TBX2: variants seen among roughly 807,000 people sequenced by gnomAD.
TBX2 encodes the protein T-box transcription factor TBX2.
A neutral mutation model predicts 48.4 loss-of-function variants in TBX2; 19 were observed. The observed-to-expected ratio is 0.39, with a 90% CI of 0.27 to 0.58. TBX2 has a LOEUF of 0.58. TBX2 is among the 20% of genes least tolerant of loss of function. The pLI, the probability that TBX2 is intolerant of heterozygous loss-of-function variation, is 0.54. For synonymous variants in TBX2, 522 were observed against 459.7 expected (o/e 1.14, Z -1.73); for missense variants, 994 against 1,006.5 (o/e 0.99, Z 0.17).
At chr17:61,407,984 A>G (rs895263532) in intron 6 of TBX2, 70 bp from the exon 7 acceptor site, 29 of 1,496,394 alleles carry the variant, frequency 1.9e-5, no homozygotes, top group Non-Finnish European at 2.6e-5. Context: ...TCCAGGGGAT[A>G]GCACCCAGCC....
At chr17:61,407,040 C>G (rs2060291875) in intron 6 of TBX2, 1 of 152,164 alleles carries the variant, frequency 6.6e-6, no homozygotes, top group African/African-American at 2.4e-5. Flanking sequence ...GTGAGAATAC[C>G]AGCACCTGGG....
chr17:61,404,582 C>G, intron 4 of TBX2, 24 bp from the exon 5 acceptor site: 1 of 1,590,680 alleles, frequency 6.3e-7, no homozygotes. Context: ...TCCCCGCTGA[C>G]CTGGTTCATC....
In TBX2 at chr17:61,403,679, T is replaced by G. The variant is rs971287679; in HGVS notation, c.810+472T>G. Among the ~76,000 whole-genome samples, 2 of 151,936 alleles carry G rather than the reference T, an allele frequency of 1.3e-5. No individual in the cohort carries two copies. The highest frequency in any genetic ancestry group is 2.9e-5 in the Non-Finnish European group (2 of 67,978). Reference sequence around the variant, plus strand: ...GTGACACAGCCCCCCAAAGCACTCCTGGCTACTGCTCTGGGTCAGTCTAGG... The same window carrying G: ...GTGACACAGCCCCCCAAAGCACTCCGGGCTACTGCTCTGGGTCAGTCTAGG... On this transcript the variant is annotated intron_variant, in intron 3 of 6. Transcript: ENST00000240328. This position sits in a 1 kb window ranked among gnomAD's most constrained non-coding sequence, Gnocchi z 5.8.
At chr17:61,407,978 G>A in intron 6 of TBX2, 76 bp from the exon 7 acceptor site, 4 of 1,483,870 alleles carry the variant, frequency 2.7e-6, no homozygotes, top group Non-Finnish European at 3.6e-6. Flanking sequence ...ACGGTGTCCA[G>A]GGGATAGCAC....
At position 61,400,854 on chromosome 17, in the gene TBX2, G is replaced by A. The variant is rs2060261206; in HGVS notation, c.395+283G>A. Among the ~76,000 whole-genome samples, 1 of 152,206 alleles carries A rather than the reference G, an allele frequency of 6.6e-6. No individual in the cohort carries two copies. The highest frequency in any genetic ancestry group is 1.5e-5 in the Non-Finnish European group (1 of 68,040). ...CAACCGTTCTGAGTCCCAGCGCAGA[G>A]GAGGCCCCGCGGCTTGGCCCTGGCG... On this transcript the variant is annotated intron_variant, in intron 1 of 6. Coordinates refer to ENST00000240328, the MANE Select transcript of TBX2 (RefSeq NM_005994.4). This position sits in a 1 kb window ranked among gnomAD's most constrained non-coding sequence, Gnocchi z 9.2.
In TBX2 at chr17:61,408,522, C is replaced by T. The variant is rs1227400540; in HGVS notation, c.*16C>T. Reference sequence around the variant, plus strand: ...GCCCAAGTGAGGGGCTGCCCAGCTGCTCCCCTGCCACGCAGGCCACCCGGG... The same window carrying T: ...GCCCAAGTGAGGGGCTGCCCAGCTGTTCCCCTGCCACGCAGGCCACCCGGG... On this transcript the variant is annotated 3_prime_UTR_variant, in exon 7 of 7. Transcript: ENST00000240328. 1 of 1,434,178 alleles carries T rather than the reference C, an allele frequency of 7.0e-7. No individual in the cohort carries two copies. The allele number at this position is 1,434,178 out of a possible 1,614,324, so 88.8% of individuals were successfully genotyped here.
Position 61,408,037 on chromosome 17 carries a change from T to C in TBX2, c.1687-17T>C. 6.4e-7 allele frequency: 1 copy of C among 1,557,266 alleles called. No individual in the cohort carries two copies. Among genetic ancestry groups the C allele is most frequent in the Non-Finnish European group, 8.7e-7 (1 of 1,155,000 alleles). The stretch of plus-strand genomic sequence containing the variant: ...CAGGCAAGATGTCTAACCCTCGTCT[T>C]GTTCTGTTTCTTCCAGGGAATTCCA... On this transcript the variant is annotated splice_polypyrimidine_tract_variant and intron_variant, in intron 6 of 6. Coordinates refer to ENST00000240328, the MANE Select transcript of TBX2 (RefSeq NM_005994.4).
rs771628572 is a variant in TBX2 at position 61,401,698 on chromosome 17, C to G, written c.410C>G (p.Pro137Arg). The change falls in exon 2 of 7, where the codon CCC (proline) becomes CGC (arginine). Residue 137 changes from proline (P) to arginine (R), a missense_variant. By Grantham distance (103) the Pro-to-Arg change is moderately radical. Coordinates refer to ENST00000240328, the MANE Select transcript of TBX2 (RefSeq NM_005994.4). ...ITKSGRRMFP[P>R]FKVRVSGLDK... The stretch of plus-strand genomic sequence containing the variant: ...CTCCCTCCCAGGCGGATGTTCCCCC[C>G]CTTCAAGGTGCGAGTCAGCGGCCTG... 12 of 1,612,226 alleles carry G rather than the reference C, an allele frequency of 7.4e-6. No individual in the cohort carries two copies. The highest frequency in any genetic ancestry group is 5.0e-5 in the Admixed American group (3 of 59,970).
At chr17:61,407,809 C>A (rs1402555820) in intron 6 of TBX2, 2 of 529,746 alleles carry the variant, frequency 3.8e-6, no homozygotes, top group South Asian at 2.7e-5. Flanking sequence ...TGCTGTAATG[C>A]CCAGCACAGA....
In TBX2 at chr17:61,403,110, G is replaced by A. The variant is rs1316618064; in HGVS notation, c.713G>A (p.Arg238Gln). Residue 238 changes from arginine (R) to glutamine (Q), a missense_variant, in exon 3 of 7, where the codon CGA becomes CAA. Physicochemically the swap from Arg to Gln is conservative, Grantham distance 43 (BLOSUM62 1). Around this residue, in one of 5 missense-constraint regions of TBX2, gnomAD observed 153 missense variants for 166.2 expected, o/e 0.92. Coordinates refer to ENST00000240328, the MANE Select transcript of TBX2 (RefSeq NM_005994.4). This position sits in a 1 kb window ranked among gnomAD's most constrained non-coding sequence, Gnocchi z 5.8. ...HKYQPRFHIV[R>Q]ANDILKLPYS... The stretch of plus-strand genomic sequence containing the variant: ...TACCAGCCGCGCTTCCACATAGTGC[G>A]AGCCAACGACATCCTGAAGCTGCCT... 1 of 1,613,716 alleles carries A rather than the reference G, an allele frequency of 6.2e-7. No individual in the cohort carries two copies.
In TBX2 at chr17:61,404,679, G is replaced by A. The variant is rs749975428; in HGVS notation, c.961G>A (p.Asp321Asn). Residue 321 changes from aspartate to asparagine, a missense_variant, in exon 5 of 7, where the codon GAC (aspartate) becomes AAC (asparagine). Physicochemically the swap from Asp to Asn is conservative, Grantham distance 23. Coordinates refer to ENST00000240328, the MANE Select transcript of TBX2 (RefSeq NM_005994.4). ...ACCCGAGCGCGATGGCGCGGAGTCAGACGCCTCGTCGTGCGACCCTCCCCC... is the reference window on the plus strand; with the variant it reads ...ACCCGAGCGCGATGGCGCGGAGTCAAACGCCTCGTCGTGCGACCCTCCCCC... ...CKPERDGAES[D>N]ASSCDPPPAR... 2 of 1,586,822 alleles carry A rather than the reference G, an allele frequency of 1.3e-6. No individual in the cohort carries two copies. Among genetic ancestry groups the A allele is most frequent in the Non-Finnish European group, 1.7e-6 (2 of 1,166,754 alleles).
chr17:61,408,040 T>C lies in TBX2; in HGVS notation c.1687-14T>C. Reference sequence around the variant, plus strand: ...GCAAGATGTCTAACCCTCGTCTTGTTCTGTTTCTTCCAGGGAATTCCAATG... The same window carrying C: ...GCAAGATGTCTAACCCTCGTCTTGTCCTGTTTCTTCCAGGGAATTCCAATG... On this transcript the variant is annotated splice_polypyrimidine_tract_variant and intron_variant, in intron 6 of 6. Coordinates refer to ENST00000240328, the MANE Select transcript of TBX2 (RefSeq NM_005994.4). The C allele has an allele frequency of 1.9e-6, 3 of 1,561,070 alleles. No individual in the cohort carries two copies. Among genetic ancestry groups the C allele is most frequent in the Non-Finnish European group, 2.6e-6 (3 of 1,156,926 alleles).
rs1237880373 is a variant in TBX2 at position 61,400,130 on chromosome 17, C to T, written c.-47C>T. 2.1e-6 allele frequency: 2 copies of T among 968,632 alleles called. No individual in the cohort carries two copies. Among genetic ancestry groups the T allele is most frequent in the Non-Finnish European group, 2.4e-6 (2 of 816,748 alleles). 60.0% of individuals were successfully genotyped at this position (968,632 alleles called of 1,614,324 possible). On this transcript the variant is annotated 5_prime_UTR_variant, in exon 1 of 7. Transcript: ENST00000240328. This position sits in a 1 kb window ranked among gnomAD's most constrained non-coding sequence, Gnocchi z 9.2. The stretch of plus-strand genomic sequence containing the variant: ...CCGGGCCGGGGGTCCGAGCCGCGCG[C>T]CCCCGGCCCCGGCCCCGGCCCCCGG...
Position 61,408,047 on chromosome 17 carries a change from C to T in TBX2, c.1687-7C>T. On this transcript the variant is annotated splice_polypyrimidine_tract_variant and splice_region_variant and intron_variant, in intron 6 of 6. Transcript: ENST00000240328. ...GTCTAACCCTCGTCTTGTTCTGTTTCTTCCAGGGAATTCCAATGCCCACTT... is the reference window on the plus strand; with the variant it reads ...GTCTAACCCTCGTCTTGTTCTGTTTTTTCCAGGGAATTCCAATGCCCACTT... 2 of 1,567,520 alleles carry T rather than the reference C, an allele frequency of 1.3e-6. No homozygotes were observed. Among genetic ancestry groups the T allele is most frequent in the Non-Finnish European group, 1.7e-6 (2 of 1,160,012 alleles).
chr17:61,404,661 C>G lies in TBX2; in HGVS notation c.943C>G (p.Arg315Gly), dbSNP rs764022876. Reference protein sequence around the residue: ...RLYEEHCKPERDGAESDASSC... With the variant: ...RLYEEHCKPEGDGAESDASSC... ...GTACGAGGAGCACTGCAAACCCGAG[C>G]GCGATGGCGCGGAGTCAGACGCCTC... Residue 315 changes from arginine (R) to glycine (G), a missense_variant, in exon 5 of 7, where the codon CGC becomes GGC. Transcript: ENST00000240328. 6.3e-7 allele frequency: 1 copy of G among 1,587,348 alleles called. No individual in the cohort carries two copies. Among genetic ancestry groups the G allele is most frequent in the Non-Finnish European group, 8.6e-7 (1 of 1,167,336 alleles).
chr17:61,407,900 T>C (rs2060295104), intron 6 of TBX2, 154 bp from the exon 7 acceptor site: 1 of 990,622 alleles, frequency 1.0e-6, no homozygotes, highest in Non-Finnish European at 1.5e-6. Flanking sequence ...CACTGGCTCA[T>C]GCTTACCTGT....
Position 61,400,092 on chromosome 17 carries a change from C to A in TBX2, c.-85C>A, listed in dbSNP as rs979782319. 35 of 754,518 alleles carry A rather than the reference C, an allele frequency of 4.6e-5. No individual in the cohort carries two copies. Among genetic ancestry groups the A allele is most frequent in the Non-Finnish European group, 5.1e-5 (32 of 621,630 alleles). 46.7% of individuals were successfully genotyped at this position (754,518 alleles called of 1,614,324 possible). A position where few individuals can be genotyped will look rare whatever the true frequency, so the allele number is the denominator to read the frequency against. Reference sequence around the variant, plus strand: ...CGCCACCCGGGTCGTCCGTCCACCGCGCGCGCCGCCGCCCGGGCCGGGGGT... The same window carrying A: ...CGCCACCCGGGTCGTCCGTCCACCGAGCGCGCCGCCGCCCGGGCCGGGGGT... On this transcript the variant is annotated 5_prime_UTR_variant, in exon 1 of 7. Transcript: ENST00000240328. This position sits in a 1 kb window ranked among gnomAD's most constrained non-coding sequence, Gnocchi z 9.2.
rs1198049110 is a variant in TBX2 at position 61,400,979 on chromosome 17, C to T, written c.395+408C>T. On this transcript the variant is annotated intron_variant, in intron 1 of 6. Transcript: ENST00000240328. The surrounding 1 kb of genome is among the most constrained non-coding windows in gnomAD (Gnocchi z 9.2). ...CAGACTCTGCTCCGACCCCGAAGCCCCTAGTGGGACCTGGGCCCAGCTAAC... is the reference window on the plus strand; with the variant it reads ...CAGACTCTGCTCCGACCCCGAAGCCTCTAGTGGGACCTGGGCCCAGCTAAC... 6.6e-6 allele frequency among the ~76,000 whole-genome samples: 1 copy of T among 152,152 alleles called. No homozygotes were observed. Among genetic ancestry groups the T allele is most frequent in the African/African-American group, 2.4e-5 (1 of 41,436 alleles).
rs2060255336 is a variant in TBX2, at chr17:61,399,847, G to T, written c.-330G>T. The stretch of plus-strand genomic sequence containing the variant: ...CAATCAAGGGGGGCCTGGCTCGTTA[G>T]CGCAGGGGATCCGAGCTGGGCAGGA... On this transcript the variant is annotated 5_prime_UTR_variant, in exon 1 of 7. Coordinates refer to ENST00000240328, the MANE Select transcript of TBX2 (RefSeq NM_005994.4). This position sits in a 1 kb window ranked among gnomAD's most constrained non-coding sequence, Gnocchi z 4.7. The T allele has an allele frequency of 1.3e-5, 2 of 152,132 alleles. No homozygotes were observed. Among genetic ancestry groups the T allele is most frequent in the Admixed American group, 6.5e-5 (1 of 15,280 alleles). The allele number at this position is 152,132 out of a possible 1,614,324, so 9.4% of individuals were successfully genotyped here.
Sources: allele counts gnomAD v4.1 joint callset (sites outside exome capture counted in the v4.1 genomes callset), GRCh38; gene constraint gnomAD v4.1.1; regional missense constraint gnomAD v4.1.1; non-coding constraint Gnocchi (gnomAD v3.1); transcripts MANE v1.5; gene names NCBI Gene and HGNC (gene_info 2026-07-23, HGNC 2026-07-21).